The following PPARGC1A variants were observed in gnomAD, a reference collection of about 807,000 sequenced individuals.
The protein encoded by PPARGC1A is PPARG coactivator 1 alpha, also known as peroxisome proliferator-activated receptor gamma coactivator 1-alpha.
A neutral mutation model predicts 88.7 loss-of-function variants in PPARGC1A; 25 were observed. The ratio of observed to expected loss-of-function variants is 0.28; its 90% CI spans 0.21 to 0.39. The LOEUF (loss-of-function observed/expected upper bound fraction) is 0.39, where lower values mean the gene tolerates loss of function less well. PPARGC1A is among the 10% of genes least tolerant of loss of function. The pLI, the probability that PPARGC1A is intolerant of heterozygous loss-of-function variation, is 1.00. For missense variants in PPARGC1A, 880 were observed against 968.7 expected (o/e 0.91, Z 1.22); for synonymous variants, 363 against 355.6 (o/e 1.02, Z -0.24).
chr4:24,325,302 A>G, the PPARGC1A span, among the ~76,000 whole-genome samples: 1 of 152,080 alleles, frequency 6.6e-6, no homozygotes, highest in East Asian at 1.9e-4. Flanking sequence ...CCGGCCCTCA[A>G]ACCCCACAAC....
the PPARGC1A span, among the ~76,000 whole-genome samples, chr4:24,309,707 G>A: frequency 6.6e-6 from 1 of 152,078 alleles, no homozygotes; most frequent in East Asian, 1.9e-4. Flanking sequence ...TCAGCCTCCT[G>A]AGCAGCTAGA....
the PPARGC1A span, among the ~76,000 whole-genome samples, chr4:24,183,825 A>C: frequency 6.6e-6 from 1 of 152,206 alleles, no homozygotes; most frequent in Admixed American, 6.6e-5. Context: ...TTTTTAATAA[A>C]ATGTTACAGT....
the PPARGC1A span, among the ~76,000 whole-genome samples, chr4:23,909,310 T>C: frequency 6.6e-6 from 1 of 152,160 alleles, no homozygotes; most frequent in South Asian, 2.1e-4. Context: ...AGATCAAATA[T>C]AATAGTCTTT....
chr4:24,020,575 A>G, the PPARGC1A span, among the ~76,000 whole-genome samples: 1 of 152,184 alleles, frequency 6.6e-6, no homozygotes, highest in African/African-American at 2.4e-5. Flanking sequence ...TAGAGAATTC[A>G]ATGCTTGCAA....
chr4:23,978,210 T>C, the PPARGC1A span, among the ~76,000 whole-genome samples: 1 of 152,348 alleles, frequency 6.6e-6, no homozygotes, highest in South Asian at 2.1e-4. Flanking sequence ...GTAAAATTCT[T>C]GCCTGTTGAG....
intron 2 of PPARGC1A, among the ~76,000 whole-genome samples, chr4:23,873,223 ATAAAG>A (rs1713945267): frequency 5.6e-5 from 8 of 142,478 alleles, no homozygotes; most frequent in African/African-American, 1.0e-4. Flanking sequence ...AAAATAAAAA[ATAAAG>A]AAAAAAATGT....
At chr4:24,061,602 T>C in the PPARGC1A span, among the ~76,000 whole-genome samples, 3 of 152,180 alleles carry the variant, frequency 2.0e-5, no homozygotes, top group African/African-American at 7.2e-5. Flanking sequence ...CACTAAGCAA[T>C]AGAACTATGG....
At chr4:24,372,155 T>A in the PPARGC1A span, among the ~76,000 whole-genome samples, 1 of 152,138 alleles carries the variant, frequency 6.6e-6, no homozygotes, top group Non-Finnish European at 1.5e-5. Context: ...CTAAGGCACA[T>A]GAGCTACATT....
At chr4:24,374,601 C>T in the PPARGC1A span, among the ~76,000 whole-genome samples, 4 of 151,540 alleles carry the variant, frequency 2.6e-5, no homozygotes, top group Non-Finnish European at 5.9e-5. Flanking sequence ...AGACATTTCT[C>T]TAAATGAGGT....
the PPARGC1A span, among the ~76,000 whole-genome samples, chr4:24,008,617 C>T: frequency 6.6e-6 from 1 of 152,058 alleles, no homozygotes; most frequent in African/African-American, 2.4e-5. Context: ...ATAACGTTAG[C>T]CATAGAGTAA....
At chr4:24,066,061 T>C in the PPARGC1A span, among the ~76,000 whole-genome samples, 1 of 147,682 alleles carries the variant, frequency 6.8e-6, no homozygotes, top group African/African-American at 2.4e-5. Flanking sequence ...ATGCTTCTAG[T>C]GCACTTCTCT....
the PPARGC1A span, among the ~76,000 whole-genome samples, chr4:24,052,396 G>A: frequency 6.6e-6 from 1 of 152,162 alleles, no homozygotes; most frequent in South Asian, 2.1e-4. Flanking sequence ...CAGCACTTTG[G>A]GAGGCTGAGG....
chr4:24,435,712 C>T, the PPARGC1A span, among the ~76,000 whole-genome samples: 20 of 152,300 alleles, frequency 1.3e-4, no homozygotes, highest in Admixed American at 1.1e-3. Context: ...TTTCATTTAA[C>T]GTTTACAACC....
At chr4:24,058,269 C>A in the PPARGC1A span, among the ~76,000 whole-genome samples, 1 of 152,154 alleles carries the variant, frequency 6.6e-6, no homozygotes, top group East Asian at 1.9e-4. Flanking sequence ...TAATAAACCT[C>A]CAAGAACAAA....
chr4:24,354,738 T>A, the PPARGC1A span, among the ~76,000 whole-genome samples: 55 of 152,012 alleles, frequency 3.6e-4, 1 homozygote, highest in African/African-American at 1.3e-3. Flanking sequence ...TACAAAAAAA[T>A]TAGCCGGGCA....
the PPARGC1A span, among the ~76,000 whole-genome samples, chr4:24,047,249 A>T: frequency 2.0e-5 from 3 of 152,122 alleles, no homozygotes; most frequent in Non-Finnish European, 4.4e-5. Flanking sequence ...ATTTTTCTTT[A>T]TCAGACTTAT....
chr4:24,402,391 A>T, the PPARGC1A span, among the ~76,000 whole-genome samples: 2 of 152,196 alleles, frequency 1.3e-5, no homozygotes, highest in Admixed American at 6.5e-5. Flanking sequence ...CGGCAACAAC[A>T]GCCGCCATTT....
chr4:24,126,031 C>G, the PPARGC1A span, among the ~76,000 whole-genome samples: 1 of 152,170 alleles, frequency 6.6e-6, no homozygotes, highest in Non-Finnish European at 1.5e-5. Context: ...ATGTAGTCAT[C>G]ATTATTTCCA....
the PPARGC1A span, among the ~76,000 whole-genome samples, chr4:24,089,350 A>G: frequency 6.6e-6 from 1 of 152,130 alleles, no homozygotes; most frequent in Non-Finnish European, 1.5e-5. Flanking sequence ...GAATGGGGGC[A>G]GCAGGCAGAC....
Sources: gnomAD v4.1 joint callset for allele counts (sites outside exome capture counted in the v4.1 genomes callset) on GRCh38, gnomAD v4.1.1 for gene constraint, MANE v1.5 for transcripts, NCBI Gene and HGNC (gene_info 2026-07-23, HGNC 2026-07-21) for gene names.